Variants in SLC44A5 observed in about 807,000 individuals in gnomAD.
SLC44A5 encodes solute carrier family 44 member 5.
Under a neutral mutation model 101.8 loss-of-function variants are expected in SLC44A5, and 57 were observed. That is an observed-to-expected ratio of 0.56 (90% CI 0.45 to 0.70). The LOEUF (loss-of-function observed/expected upper bound fraction) is 0.70, where lower values mean the gene tolerates loss of function less well. Among genes scored for constraint, SLC44A5 ranks in the 30% least tolerant of loss-of-function variants. SLC44A5 has a pLI of 0.00. For synonymous variants in SLC44A5, 281 were observed against 290.9 expected (o/e 0.97, Z 0.35); for missense variants, 737 against 853.1 (o/e 0.86, Z 1.70).
At chr1:75,281,646 C>G (rs996591259) in intron 5 of SLC44A5, among the ~76,000 whole-genome samples, 15 of 111,248 alleles carry the variant, frequency 1.3e-4, no homozygotes, top group African/African-American at 4.3e-4. Context: ...GCCCCCCCCC[C>G]CCCCCGCTGC....
At chr1:75,688,204 T>C in the SLC44A5 span, among the ~76,000 whole-genome samples, 1 of 152,206 alleles carries the variant, frequency 6.6e-6, no homozygotes, top group African/African-American at 2.4e-5. Flanking sequence ...TATGCAGTGC[T>C]TGGCTAGCCT....
chr1:75,321,618 T>C (rs1656156425), intron 4 of SLC44A5, among the ~76,000 whole-genome samples: 1 of 152,140 alleles, frequency 6.6e-6, no homozygotes, highest in African/African-American at 2.4e-5. Context: ...ACGTATATTT[T>C]GGGGGACACA....
At chr1:75,229,218 T>A (rs192126621) in intron 12 of SLC44A5, among the ~76,000 whole-genome samples, 7 of 152,132 alleles carry the variant, frequency 4.6e-5, no homozygotes, top group Admixed American at 4.6e-4. Flanking sequence ...TCCTTACTGG[T>A]CTCGTTGCTT....
intron 17 of SLC44A5, among the ~76,000 whole-genome samples, chr1:75,218,284 C>A (rs1357641029): frequency 6.6e-6 from 1 of 152,028 alleles, no homozygotes; most frequent in Non-Finnish European, 1.5e-5. Flanking sequence ...TCTCTAGTAA[C>A]CTATAGCATT....
rs1038760886 is a variant in SLC44A5 at position 75,443,802 on chromosome 1, G to A, written c.14-47181C>T. 1.1e-3 allele frequency among the ~76,000 whole-genome samples: 168 copies of A among 151,336 alleles called. 1 individual carries two copies. The highest frequency in any genetic ancestry group is 1.6e-3 in the Non-Finnish European group (106 of 67,814). ...TCAGCCTTTCCCAATCATAAACATA[G>A]ATACAAAAATTCCAAATTAATTTTT... On this transcript the variant is annotated intron_variant, in intron 2 of 23. Coordinates refer to ENST00000370859, the MANE Select transcript of SLC44A5 (RefSeq NM_001130058.2).
intron 2 of SLC44A5, among the ~76,000 whole-genome samples, chr1:75,502,605 C>A (rs994482417): frequency 1.3e-5 from 2 of 151,790 alleles, no homozygotes; most frequent in Admixed American, 6.6e-5. Context: ...GCACAACGTG[C>A]AGGTTTGTTA....
At chr1:75,299,826 T>C (rs578127183) in intron 5 of SLC44A5, among the ~76,000 whole-genome samples, 2 of 148,330 alleles carry the variant, frequency 1.3e-5, no homozygotes, top group Non-Finnish European at 3.0e-5. Flanking sequence ...CTGGCCAACA[T>C]GGTGAAACCT....
intron 1 of SLC44A5, among the ~76,000 whole-genome samples, chr1:75,578,874 G>T (rs902490710): frequency 6.6e-6 from 1 of 152,106 alleles, no homozygotes; most frequent in Non-Finnish European, 1.5e-5. Flanking sequence ...TATAAAATAT[G>T]CTGTACACTG....
intron 2 of SLC44A5, among the ~76,000 whole-genome samples, chr1:75,459,449 T>G (rs1183470843): frequency 6.6e-6 from 1 of 152,166 alleles, no homozygotes; most frequent in Admixed American, 6.5e-5. Flanking sequence ...CTCCAAAACT[T>G]TTTATATGAT....
chr1:75,573,127 C>CAAAAAAAAAAAAAAAAA (rs745593621), intron 1 of SLC44A5, among the ~76,000 whole-genome samples: 3 of 16,712 alleles, frequency 1.8e-4, no homozygotes, highest in African/African-American at 2.5e-4. Context: ...GGCTCCATCT[C>CAAAAAAAAAAAAAAAAA]AAAAAAAAAA....
the SLC44A5 span, among the ~76,000 whole-genome samples, chr1:75,661,170 C>G: frequency 1.3e-5 from 2 of 151,862 alleles, no homozygotes; most frequent in Non-Finnish European, 1.5e-5. Context: ...ATTGAAAACA[C>G]AGAAATAAAT....
chr1:75,390,175 C>T (rs565168084), intron 3 of SLC44A5, among the ~76,000 whole-genome samples: 1 of 151,774 alleles, frequency 6.6e-6, no homozygotes, highest in Non-Finnish European at 1.5e-5. Context: ...AAAAATGTAC[C>T]AACCAAAAAA....
chr1:75,670,437 C>T, the SLC44A5 span, among the ~76,000 whole-genome samples: 1 of 152,076 alleles, frequency 6.6e-6, no homozygotes, highest in East Asian at 1.9e-4. Context: ...AATTTGCCTT[C>T]TTTTTTGCAA....
intron 2 of SLC44A5, among the ~76,000 whole-genome samples, chr1:75,451,210 A>G (rs531583641): frequency 3.3e-5 from 5 of 152,298 alleles, no homozygotes; most frequent in African/African-American, 1.2e-4. Flanking sequence ...ACCAGAGCTG[A>G]GCAGGGAGCT....
chr1:75,289,472 G>C (rs1226252101), intron 5 of SLC44A5, among the ~76,000 whole-genome samples: 1 of 152,162 alleles, frequency 6.6e-6, no homozygotes, highest in Non-Finnish European at 1.5e-5. Flanking sequence ...GGTCCATCAA[G>C]CCTAGAGGTG....
chr1:75,363,859 T>G (rs1267473481), intron 3 of SLC44A5, among the ~76,000 whole-genome samples: 2 of 152,180 alleles, frequency 1.3e-5, no homozygotes, highest in Non-Finnish European at 2.9e-5. Context: ...GAAGGCTTAG[T>G]GGTGATTAAT....
At chr1:75,679,560 G>A in the SLC44A5 span, among the ~76,000 whole-genome samples, 1 of 151,696 alleles carries the variant, frequency 6.6e-6, no homozygotes, top group Non-Finnish European at 1.5e-5. Context: ...ACAAGCAAAT[G>A]CTGAGAGATT....
chr1:75,685,564 T>C, the SLC44A5 span, among the ~76,000 whole-genome samples: 2 of 152,218 alleles, frequency 1.3e-5, no homozygotes. Flanking sequence ...CACCTCAGCC[T>C]GGACTTCATG....
chr1:75,388,000 G>C (rs1379600082), intron 3 of SLC44A5, among the ~76,000 whole-genome samples: 1 of 145,302 alleles, frequency 6.9e-6, no homozygotes, highest in African/African-American at 2.6e-5. Flanking sequence ...TCATAGGTGG[G>C]AATTGAACAA....
Sources: gnomAD v4.1 joint callset for allele counts (sites outside exome capture counted in the v4.1 genomes callset) on GRCh38, gnomAD v4.1.1 for gene constraint, MANE v1.5 for transcripts, NCBI Gene and HGNC (gene_info 2026-07-23, HGNC 2026-07-21) for gene names.